The following RAP1GAP2 variants were observed in gnomAD, a reference collection of about 807,000 sequenced individuals.
RAP1GAP2 encodes RAP1 GTPase activating protein 2, also known as rap1 GTPase-activating protein 2.
A neutral mutation model predicts 95.0 loss-of-function variants in RAP1GAP2; 27 were observed. The observed-to-expected ratio is 0.28, with a 90% CI of 0.21 to 0.39. RAP1GAP2 has a LOEUF of 0.39. RAP1GAP2 is among the 10% of genes least tolerant of loss of function. The pLI is 1.00. For synonymous variants in RAP1GAP2, 373 were observed against 380.9 expected, an observed-to-expected ratio of 0.98 and a Z score of 0.24; for missense variants, 771 against 970.0, an observed-to-expected ratio of 0.79 and a Z score of 2.72.
intron 3 of RAP1GAP2, among the ~76,000 whole-genome samples, chr17:2,918,821 A>G (rs1381211892): frequency 1.3e-5 from 2 of 152,178 alleles, no homozygotes; most frequent in East Asian, 3.9e-4. Flanking sequence ...TATTTCAAGG[A>G]TAATAAGAGT....
At chr17:2,931,975 C>T (rs2043170181) in intron 3 of RAP1GAP2, among the ~76,000 whole-genome samples, 1 of 152,178 alleles carries the variant, frequency 6.6e-6, no homozygotes. Flanking sequence ...CCGCCCTTTA[C>T]CCAGCAGCAC....
rs1477001202 is a variant in RAP1GAP2 at position 2,867,254 on chromosome 17, G to A, written c.81-38030G>A. Among the ~76,000 whole-genome samples, 1 of 152,192 alleles carries A rather than the reference G, an allele frequency of 6.6e-6. No individual in the cohort carries two copies. The highest frequency in any genetic ancestry group is 1.5e-5 in the Non-Finnish European group (1 of 68,038). ...AGAAACTTTTGGTTTGAAGTGGCAA[G>A]CCCCAATTCAAATTAATGTAAAGAA... On this transcript the variant is annotated intron_variant, in intron 2 of 24. Transcript: ENST00000254695. This position sits in a 1 kb window ranked among gnomAD's most constrained non-coding sequence, Gnocchi z 4.5.
intron 1 of RAP1GAP2, among the ~76,000 whole-genome samples, chr17:2,779,800 G>C (rs1261931719): frequency 1.8e-5 from 1 of 56,586 alleles, no homozygotes; most frequent in Non-Finnish European, 3.9e-5. Context: ...CAGGGGGCTG[G>C]GGGGGGGCAG....
intron 16 of RAP1GAP2, among the ~76,000 whole-genome samples, 152 bp downstream of exon 16, chr17:3,006,193 C>T (rs1306840193): frequency 7.2e-6 from 1 of 138,416 alleles, no homozygotes; most frequent in South Asian, 2.4e-4. Flanking sequence ...GTGGCATGAT[C>T]TTGGGACTCA....
chr17:2,856,414 T>C (rs1281697955), intron 2 of RAP1GAP2, among the ~76,000 whole-genome samples: 1 of 152,120 alleles, frequency 6.6e-6, no homozygotes, highest in Non-Finnish European at 1.5e-5. Context: ...TCAAGTCAGA[T>C]CATGTGAGTG....
chr17:2,784,657 G>C (rs377502651), intron 1 of RAP1GAP2, among the ~76,000 whole-genome samples: 1 of 152,178 alleles, frequency 6.6e-6, no homozygotes, highest in African/African-American at 2.4e-5. Context: ...CCAGATCCCC[G>C]CCTACTCTCA....
At chr17:2,875,687 T>C (rs9904504) in intron 2 of RAP1GAP2, among the ~76,000 whole-genome samples, 4,163 of 152,186 alleles carry the variant, frequency 0.027, 189 homozygotes, top group African/African-American at 0.094. Context: ...CGACAGTGAA[T>C]GTCTTGTCCT....
chr17:2,837,772 A>AT (rs986896702), intron 2 of RAP1GAP2, among the ~76,000 whole-genome samples: 7 of 151,048 alleles, frequency 4.6e-5, no homozygotes, highest in Non-Finnish European at 8.8e-5. Flanking sequence ...ATGTCCGGCT[A>AT]TTTTTTTGTA....
chr17:2,808,971 G>A (rs1016766187), intron 2 of RAP1GAP2, among the ~76,000 whole-genome samples: 3 of 152,184 alleles, frequency 2.0e-5, no homozygotes, highest in Non-Finnish European at 4.4e-5. Context: ...GTCTCGGGGC[G>A]TGCGTGGCTG....
chr17:2,864,800 A>G (rs190075204), intron 2 of RAP1GAP2, among the ~76,000 whole-genome samples: 3 of 152,232 alleles, frequency 2.0e-5, no homozygotes, highest in African/African-American at 4.8e-5. Context: ...ATTTGCCTTC[A>G]AGTATTCCTC....
At chr17:2,959,453 A>G (rs1480459745) in intron 4 of RAP1GAP2, among the ~76,000 whole-genome samples, 3 of 152,102 alleles carry the variant, frequency 2.0e-5, no homozygotes, top group African/African-American at 7.2e-5. Flanking sequence ...AGTCCCTACC[A>G]TGTGCCCCCT....
intron 4 of RAP1GAP2, among the ~76,000 whole-genome samples, chr17:2,958,049 A>G (rs138320524): frequency 0.011 from 1,711 of 152,236 alleles, 22 homozygotes; most frequent in Non-Finnish European, 0.018. Flanking sequence ...TGGGGAGGCC[A>G]TAAGCCCTGT....
At chr17:2,959,584 A>G (rs1413964944) in intron 4 of RAP1GAP2, among the ~76,000 whole-genome samples, 2 of 152,196 alleles carry the variant, frequency 1.3e-5, no homozygotes, top group African/African-American at 4.8e-5. Context: ...GCACGTGTGG[A>G]AACTGAAGCT....
chr17:2,787,296 G>A (rs1369790360), intron 1 of RAP1GAP2, among the ~76,000 whole-genome samples: 1 of 126,546 alleles, frequency 7.9e-6, no homozygotes, highest in Non-Finnish European at 1.6e-5. Flanking sequence ...ACAGAGTCTT[G>A]CTTTTTGGCC....
intron 3 of RAP1GAP2, among the ~76,000 whole-genome samples, chr17:2,957,539 G>T (rs1330520637): frequency 6.6e-6 from 1 of 152,206 alleles, no homozygotes; most frequent in Non-Finnish European, 1.5e-5. Flanking sequence ...CCATTCATTT[G>T]CCAGCCCAGG....
intron 2 of RAP1GAP2, among the ~76,000 whole-genome samples, chr17:2,820,119 C>T (rs557377919): frequency 1.3e-5 from 2 of 152,220 alleles, no homozygotes; most frequent in Admixed American, 1.3e-4. Flanking sequence ...TTAATTTGTA[C>T]AAATAGATCA....
chr17:2,775,470 G>A (rs563630435), upstream of RAP1GAP2, among the ~76,000 whole-genome samples: 2 of 152,006 alleles, frequency 1.3e-5, no homozygotes, highest in South Asian at 4.2e-4. Context: ...GCTGGTGAGA[G>A]GTGTTAAGTG....
At chr17:2,872,128 C>T (rs778041210) in intron 2 of RAP1GAP2, among the ~76,000 whole-genome samples, 4 of 149,572 alleles carry the variant, frequency 2.7e-5, no homozygotes, top group Non-Finnish European at 5.9e-5. Flanking sequence ...GCAGGAGAAT[C>T]GCTTGAACCC....
At chr17:2,948,811 G>A (rs2043806040) in intron 3 of RAP1GAP2, among the ~76,000 whole-genome samples, 1 of 152,072 alleles carries the variant, frequency 6.6e-6, no homozygotes, top group African/African-American at 2.4e-5. Context: ...GGCAGGGAGG[G>A]CACAGGGTGG....
Sources: gnomAD v4.1 joint callset for allele counts (sites outside exome capture counted in the v4.1 genomes callset) on GRCh38, gnomAD v4.1.1 for gene constraint, Gnocchi (gnomAD v3.1) non-coding constraint, MANE v1.5 for transcripts, NCBI Gene and HGNC (gene_info 2026-07-23, HGNC 2026-07-21) for gene names.